Variants in RYR2 observed in about 807,000 individuals in gnomAD.
RYR2 encodes the protein cardiac muscle ryanodine receptor-calcium release channel.
RYR2 carries 227 observed loss-of-function variants against 601.1 expected under a neutral mutation model. The observed-to-expected ratio is 0.38, with a 90% confidence interval of 0.34 to 0.42. RYR2 has a LOEUF of 0.42. RYR2 is among the 10% of genes least tolerant of loss of function. The pLI is 1.00. For synonymous variants in RYR2, 2,223 were observed against 2,175.1 expected, an observed-to-expected ratio of 1.02 and a Z score of -0.61; for missense variants, 4,646 against 6,156.5, an observed-to-expected ratio of 0.75 and a Z score of 8.21.
chr1:237,091,021 C>T (rs928132733), intron 1 of RYR2, among the ~76,000 whole-genome samples: 4 of 152,074 alleles, frequency 2.6e-5, no homozygotes, highest in Admixed American at 6.5e-5. Context: ...ATTTTTGGAA[C>T]GACTTTCACA....
At position 237,660,746 on chromosome 1, in the gene RYR2, C is replaced by T. The variant is rs544077130; in HGVS notation, c.8299-64C>T. ...GAAGGCAGTCTATTTTAGAGCAAAG[C>T]GTTACTTAACATTTTTATTTACATT... On this transcript the variant is annotated intron_variant, in intron 55 of 104. Transcript: ENST00000366574. 49 of 1,386,608 alleles carry T rather than the reference C, an allele frequency of 3.5e-5. 1 individual carries two copies. The highest frequency in any genetic ancestry group is 3.0e-4 in the Admixed American group (13 of 43,692). 85.9% of individuals were successfully genotyped at this position (1,386,608 alleles called of 1,614,324 possible).
At chr1:237,109,676 G>T (rs1558250275) in intron 1 of RYR2, among the ~76,000 whole-genome samples, 1 of 151,072 alleles carries the variant, frequency 6.6e-6, no homozygotes, top group Non-Finnish European at 1.5e-5. Flanking sequence ...AAAAATATTT[G>T]CTGACACTGC....
intron 62 of RYR2, among the ~76,000 whole-genome samples, chr1:237,686,242 G>T (rs1435338019): frequency 1.3e-5 from 2 of 152,178 alleles, no homozygotes; most frequent in Non-Finnish European, 2.9e-5. Context: ...CTATACACAT[G>T]GATCTTCAAG....
chr1:237,765,208 A>G (rs73101992), intron 84 of RYR2, among the ~76,000 whole-genome samples: 149 of 152,224 alleles, frequency 9.8e-4, no homozygotes, highest in African/African-American at 3.5e-3. Context: ...TTGGATTTTT[A>G]ATTTGCTTTT....
intron 79 of RYR2, among the ~76,000 whole-genome samples, chr1:237,736,891 G>A (rs1384004533): frequency 6.6e-6 from 1 of 152,196 alleles, no homozygotes; most frequent in African/African-American, 2.4e-5. Flanking sequence ...ATTCATCAAG[G>A]GTGAAGATTT....
At chr1:237,347,572 G>A (rs1698411553) in intron 3 of RYR2, among the ~76,000 whole-genome samples, 1 of 152,080 alleles carries the variant, frequency 6.6e-6, no homozygotes, top group African/African-American at 2.4e-5. Context: ...TTGGGGTTTT[G>A]TTGGGAAGAA....
intron 10 of RYR2, among the ~76,000 whole-genome samples, chr1:237,412,656 C>T (rs1338443852): frequency 6.6e-6 from 1 of 152,124 alleles, no homozygotes; most frequent in Non-Finnish European, 1.5e-5. Context: ...TAACAAAGAG[C>T]TGCATGAGCT....
chr1:237,623,215 A>G (rs891877987), intron 38 of RYR2, among the ~76,000 whole-genome samples: 2 of 152,006 alleles, frequency 1.3e-5, no homozygotes, highest in East Asian at 1.9e-4. Flanking sequence ...TTATATGACT[A>G]TTTTGCAGCT....
chr1:237,550,581 A>G lies in RYR2; in HGVS notation c.3104A>G (p.Tyr1035Cys). The change falls in exon 27 of 105, where the codon TAC becomes TGC. Residue 1035 changes from tyrosine (Y) to cysteine (C), a missense_variant. Coordinates refer to ENST00000366574, the MANE Select transcript of RYR2 (RefSeq NM_001035.3). ...KNRRNPRLVPYTLLDDRTKKS... is the reference protein window; with the variant it reads ...KNRRNPRLVPCTLLDDRTKKS... ...AGAAGAAATCCTCGCCTTGTTCCCT[A>G]CACTCTTCTGGATGACCGAACCAAG... 6.2e-7 allele frequency: 1 copy of G among 1,608,494 alleles called. No individual in the cohort carries two copies. Among genetic ancestry groups the G allele is most frequent in the South Asian group, 1.1e-5 (1 of 89,544 alleles).
chr1:237,565,196 T>A (rs2148237266), intron 27 of RYR2, among the ~76,000 whole-genome samples: 1 of 142,740 alleles, frequency 7.0e-6, no homozygotes, highest in Non-Finnish European at 1.5e-5. Context: ...TCTTTCTTTC[T>A]TTCTTTCTTT....
chr1:237,644,302 G>A (rs1681893542), intron 48 of RYR2, among the ~76,000 whole-genome samples: 1 of 151,964 alleles, frequency 6.6e-6, no homozygotes, highest in African/African-American at 2.4e-5. Flanking sequence ...GCGCGATCTT[G>A]GCTCACTGCA....
chr1:237,539,546 C>G (rs949749290), intron 25 of RYR2, among the ~76,000 whole-genome samples: 2 of 152,120 alleles, frequency 1.3e-5, no homozygotes, highest in Admixed American at 1.3e-4. Flanking sequence ...TACTGTGCAG[C>G]CAGTGGAGCC....
chr1:237,413,015 A>G (rs73104423), intron 10 of RYR2, among the ~76,000 whole-genome samples: 15,652 of 152,102 alleles, frequency 0.1, 1,616 homozygotes, highest in African/African-American at 0.27. Context: ...TGATTTCTAA[A>G]TAAGTTTGAG....
At chr1:237,216,439 T>TTAAAAAGTA (rs1683159877) in intron 1 of RYR2, among the ~76,000 whole-genome samples, 1 of 152,064 alleles carries the variant, frequency 6.6e-6, no homozygotes, top group Non-Finnish European at 1.5e-5. Flanking sequence ...ATTTTATCTT[T>TTAAAAAGTA]TAAAAAGTAT....
chr1:237,387,440 G>A (rs1702032743), intron 9 of RYR2, 60 bp downstream of exon 9: 2 of 1,469,324 alleles, frequency 1.4e-6, no homozygotes, highest in Non-Finnish European at 1.9e-6. Flanking sequence ...AGTCATCTTT[G>A]GAATTGTGAT....
intron 3 of RYR2, among the ~76,000 whole-genome samples, chr1:237,337,596 C>T (rs1170290044): frequency 6.6e-6 from 1 of 152,110 alleles, no homozygotes; most frequent in African/African-American, 2.4e-5. Flanking sequence ...TAGCATCTCC[C>T]TTTGTTGTGG....
chr1:237,676,221 A>G (rs1201555736), intron 60 of RYR2, among the ~76,000 whole-genome samples: 1 of 152,168 alleles, frequency 6.6e-6, no homozygotes, highest in Non-Finnish European at 1.5e-5. Flanking sequence ...CATTTGGAGA[A>G]AGGAACAAGA....
In RYR2 at chr1:237,627,920, G is replaced by A. The variant is rs777365708; in HGVS notation, c.6280G>A (p.Gly2094Ser). 1.5e-4 allele frequency: 247 copies of A among 1,613,754 alleles called. No individual in the cohort carries two copies. Among genetic ancestry groups the A allele is most frequent in the Non-Finnish European group, 2.0e-4 (232 of 1,179,878 alleles). ...TGTGTTGCTCCATCGGCAGTATGACGGCATTGGGGGTCTTGTTCGGGCCCT... is the reference window on the plus strand; with the variant it reads ...TGTGTTGCTCCATCGGCAGTATGACAGCATTGGGGGTCTTGTTCGGGCCCT... ...MFVLLHRQYD[G>S]IGGLVRALPK... Residue 2094 changes from glycine (G) to serine (S), a missense_variant, in exon 41 of 105, where the codon GGC becomes AGC. Gly to Ser is a moderately conservative substitution (Grantham distance 56, BLOSUM62 0). Transcript: ENST00000366574.
intron 1 of RYR2, among the ~76,000 whole-genome samples, chr1:237,070,375 TG>T (rs1664175318): frequency 6.6e-6 from 1 of 152,124 alleles, no homozygotes; most frequent in Non-Finnish European, 1.5e-5. Context: ...ACAGCTTAAT[TG>T]GACCAGTTTT....
Sources: allele counts gnomAD v4.1 joint callset (sites outside exome capture counted in the v4.1 genomes callset), GRCh38; gene constraint gnomAD v4.1.1; transcripts MANE v1.5; gene names NCBI Gene and HGNC (gene_info 2026-07-23, HGNC 2026-07-21).